RGS6: variants seen among roughly 807,000 people sequenced by gnomAD.
RGS6 encodes the protein regulator of G protein signaling 6, also known as regulator of G-protein signaling 6.
Under a neutral mutation model 78.5 loss-of-function variants are expected in RGS6, and 30 were observed. The observed-to-expected ratio is 0.38, with a 90% CI of 0.29 to 0.52. RGS6 has a LOEUF of 0.52. Ranked by LOEUF, RGS6 falls within the 20% of genes least tolerant of loss-of-function variation. RGS6 has a pLI of 0.85. For missense variants in RGS6, 495 were observed against 609.7 expected (o/e 0.81, Z 1.98); for synonymous variants, 206 against 206.0 (o/e 1.00, Z 0.00).
At chr14:72,415,221 CCTAAAGCCTGG>C (rs1288658115) in intron 3 of RGS6, among the ~76,000 whole-genome samples, 2 of 152,234 alleles carry the variant, frequency 1.3e-5, no homozygotes. Context: ...TTGTTTACCT[CCTAAAGCCTGG>C]GCAATGGCGG....
At chr14:72,422,717 G>C (rs1185781267) in intron 3 of RGS6, among the ~76,000 whole-genome samples, 2 of 152,216 alleles carry the variant, frequency 1.3e-5, no homozygotes, top group African/African-American at 4.8e-5. Flanking sequence ...GCCAAGCACA[G>C]TGGTGACAGA....
At chr14:72,474,079 A>G (rs1209201098) in intron 9 of RGS6, 4 of 152,406 alleles carry the variant, frequency 2.6e-5, no homozygotes, top group African/African-American at 9.6e-5. Flanking sequence ...AGGCTACTCA[A>G]GGTACAACTA....
chr14:72,214,501 C>T (rs375128971), intron 2 of RGS6, among the ~76,000 whole-genome samples: 4 of 152,260 alleles, frequency 2.6e-5, no homozygotes, highest in South Asian at 2.1e-4. Context: ...TTTTCCAAAA[C>T]GTGATTGAGC....
chr14:72,588,914 C>G, the RGS6 span, among the ~76,000 whole-genome samples: 1 of 152,186 alleles, frequency 6.6e-6, no homozygotes, highest in East Asian at 1.9e-4. Context: ...AAGCCAGCAA[C>G]CCCTCTCTCT....
Position 72,105,238 on chromosome 14 carries a change from G to A in RGS6, c.84+140363G>A, listed in dbSNP as rs1261349477. Among the ~76,000 whole-genome samples, 3 of 152,152 alleles carry A rather than the reference G, an allele frequency of 2.0e-5. No individual in the cohort carries two copies. The East Asian group carries it at 5.8e-4, about 29-fold the overall frequency. ...TTGACCAGTGGGACAGGCCTGATGTGGTTTTGCCTCTAATAAATCAAATCT... is the reference window on the plus strand; with the variant it reads ...TTGACCAGTGGGACAGGCCTGATGTAGTTTTGCCTCTAATAAATCAAATCT... On this transcript the variant is annotated intron_variant, in intron 2 of 17. Coordinates refer to ENST00000553525, the MANE Select transcript of RGS6 (RefSeq NM_001204424.2).
At chr14:72,555,846 A>G (rs1210578104) in intron 17 of RGS6, among the ~76,000 whole-genome samples, 1 of 152,230 alleles carries the variant, frequency 6.6e-6, no homozygotes, top group Non-Finnish European at 1.5e-5. Context: ...TAGTTGCTCA[A>G]TGGTCCATCA....
At chr14:72,377,839 G>A (rs556598632) in intron 3 of RGS6, among the ~76,000 whole-genome samples, 77 of 152,184 alleles carry the variant, frequency 5.1e-4, no homozygotes, top group African/African-American at 1.6e-3. Context: ...TTAACCACCC[G>A]TGGTGCTGCA....
At chr14:72,233,956 C>A (rs1188325849) in intron 2 of RGS6, among the ~76,000 whole-genome samples, 2 of 152,054 alleles carry the variant, frequency 1.3e-5, no homozygotes, top group African/African-American at 4.8e-5. Flanking sequence ...CAGGGAGATT[C>A]TAATCACATC....
chr14:72,257,687 G>A (rs2057353008), intron 2 of RGS6, among the ~76,000 whole-genome samples: 4 of 152,282 alleles, frequency 2.6e-5, no homozygotes, highest in South Asian at 2.1e-4. Flanking sequence ...AGGCTCGTTA[G>A]TAAGACAATA....
chr14:72,118,101 C>G (rs1021402418), intron 2 of RGS6, among the ~76,000 whole-genome samples: 4 of 151,936 alleles, frequency 2.6e-5, no homozygotes, highest in African/African-American at 7.3e-5. Flanking sequence ...TTCTGGTGCT[C>G]GTGTGTGTAC....
chr14:72,449,098 G>A (rs1275063191), intron 3 of RGS6, among the ~76,000 whole-genome samples: 1 of 152,156 alleles, frequency 6.6e-6, no homozygotes, highest in African/African-American at 2.4e-5. Context: ...CAGAGGTGCA[G>A]CAGAGGCCTG....
intron 2 of RGS6, among the ~76,000 whole-genome samples, chr14:72,104,166 T>C (rs1265773862): frequency 6.6e-6 from 1 of 152,174 alleles, no homozygotes; most frequent in Non-Finnish European, 1.5e-5. Context: ...GAGGTGTTTC[T>C]TTGCCTCCCA....
intron 2 of RGS6, among the ~76,000 whole-genome samples, chr14:72,098,473 G>A (rs2095457745): frequency 6.6e-6 from 1 of 152,220 alleles, no homozygotes; most frequent in Non-Finnish European, 1.5e-5. Flanking sequence ...TGACGGTGTG[G>A]ACAGGGGCAG....
At chr14:72,569,541 G>T (rs1397331731), downstream of RGS6, among the ~76,000 whole-genome samples, 1 of 152,112 alleles carries the variant, frequency 6.6e-6, no homozygotes, top group African/African-American at 2.4e-5. Context: ...TTAGCTCGGC[G>T]TGGTGGCAGG....
At chr14:71,874,975 G>T in the RGS6 span, among the ~76,000 whole-genome samples, 1 of 152,198 alleles carries the variant, frequency 6.6e-6, no homozygotes, top group Non-Finnish European at 1.5e-5. Flanking sequence ...AACCAGCCTT[G>T]CATCCCAGGG....
chr14:72,162,566 C>T (rs568714585), intron 2 of RGS6, among the ~76,000 whole-genome samples: 8 of 152,174 alleles, frequency 5.3e-5, no homozygotes, highest in South Asian at 4.2e-4. Context: ...TGTAAGACAG[C>T]GATGTCTCAT....
chr14:71,878,269 G>A, the RGS6 span, among the ~76,000 whole-genome samples: 2 of 152,206 alleles, frequency 1.3e-5, no homozygotes, highest in Admixed American at 1.3e-4. Flanking sequence ...GCTATGCCCT[G>A]CCACCAGAGG....
chr14:72,041,791 T>TG (rs2092423665), intron 2 of RGS6, among the ~76,000 whole-genome samples: 1 of 152,086 alleles, frequency 6.6e-6, no homozygotes, highest in African/African-American at 2.4e-5. Context: ...GGTAAGTCTG[T>TG]GGGGGGTGGG....
chr14:72,177,215 A>G (rs1366356289), intron 2 of RGS6, among the ~76,000 whole-genome samples: 1 of 152,248 alleles, frequency 6.6e-6, no homozygotes, highest in East Asian at 1.9e-4. Flanking sequence ...TTTGGTGGAC[A>G]TAGGCACCCA....
Sources: gnomAD v4.1 joint callset for allele counts (sites outside exome capture counted in the v4.1 genomes callset) on GRCh38, gnomAD v4.1.1 for gene constraint, MANE v1.5 for transcripts, NCBI Gene and HGNC (gene_info 2026-07-23, HGNC 2026-07-21) for gene names.